Variants in NDST3 observed in about 807,000 individuals in gnomAD.
The protein encoded by NDST3 is N-deacetylase and N-sulfotransferase 3, also known as bifunctional heparan sulfate N-deacetylase/N-sulfotransferase 3.
NDST3 carries 58 observed loss-of-function variants against 96.1 expected under a neutral mutation model. The ratio of observed to expected loss-of-function variants is 0.60; its 90% CI spans 0.49 to 0.75. The LOEUF (loss-of-function observed/expected upper bound fraction) is 0.75. Ranked by LOEUF, NDST3 falls within the 30% of genes least tolerant of loss-of-function variation. The pLI, the probability that NDST3 is intolerant of heterozygous loss-of-function variation, is 0.00. For missense variants in NDST3, 788 were observed against 1,034.2 expected, an observed-to-expected ratio of 0.76 and a Z score of 3.27; for synonymous variants, 333 against 359.7, an observed-to-expected ratio of 0.93 and a Z score of 0.84.
At chr4:118,081,642 C>A (rs1728032048) in intron 2 of NDST3, among the ~76,000 whole-genome samples, 2 of 152,076 alleles carry the variant, frequency 1.3e-5, no homozygotes, top group African/African-American at 4.8e-5. Flanking sequence ...TTTCCTGCCC[C>A]CCAGAGGATG....
At chr4:118,116,330 C>T (rs1197795793) in intron 4 of NDST3, among the ~76,000 whole-genome samples, 1 of 152,008 alleles carries the variant, frequency 6.6e-6, no homozygotes, top group Non-Finnish European at 1.5e-5. Context: ...AGTAAAGCAC[C>T]AGTAAAAGAT....
chr4:118,097,745 CAA>C (rs1370620525), intron 2 of NDST3, among the ~76,000 whole-genome samples: 2 of 151,688 alleles, frequency 1.3e-5, no homozygotes, highest in South Asian at 2.1e-4. Context: ...AATTCTTCAC[CAA>C]GATTCAAAAC....
At chr4:118,077,999 T>C (rs1009132341) in intron 2 of NDST3, among the ~76,000 whole-genome samples, 3 of 152,152 alleles carry the variant, frequency 2.0e-5, no homozygotes, top group African/African-American at 7.2e-5. Context: ...GTTGCCCCTG[T>C]AAAACTTCTG....
intron 2 of NDST3, among the ~76,000 whole-genome samples, chr4:118,070,883 T>C (rs1727011276): frequency 6.6e-6 from 1 of 152,036 alleles, no homozygotes; most frequent in Non-Finnish European, 1.5e-5. Context: ...CACCTATGAC[T>C]GAGAACATAA....
At chr4:118,161,069 T>C (rs923738589) in intron 6 of NDST3, among the ~76,000 whole-genome samples, 1 of 152,210 alleles carries the variant, frequency 6.6e-6, no homozygotes, top group African/African-American at 2.4e-5. Flanking sequence ...CCTTTCTGTT[T>C]GTTAGTTTTC....
At chr4:118,112,879 T>A (rs1730758495) in intron 3 of NDST3, among the ~76,000 whole-genome samples, 1 of 152,170 alleles carries the variant, frequency 6.6e-6, no homozygotes. Context: ...TGGTGACTCA[T>A]TCATTAATCA....
At chr4:118,211,510 T>C (rs1316460443) in intron 6 of NDST3, among the ~76,000 whole-genome samples, 1 of 152,210 alleles carries the variant, frequency 6.6e-6, no homozygotes, top group African/African-American at 2.4e-5. Flanking sequence ...GATTAACAGA[T>C]GTAAATCCAT....
chr4:118,057,305 A>T (rs1338578434), intron 2 of NDST3, among the ~76,000 whole-genome samples: 3 of 152,044 alleles, frequency 2.0e-5, no homozygotes, highest in Non-Finnish European at 4.4e-5. Flanking sequence ...AGGTCATAAT[A>T]AAAATTTCAG....
chr4:118,085,621 G>A (rs1560632029), intron 2 of NDST3, among the ~76,000 whole-genome samples: 2 of 152,014 alleles, frequency 1.3e-5, no homozygotes, highest in Non-Finnish European at 2.9e-5. Flanking sequence ...GAACACTCTC[G>A]TTTCATTGTT....
At chr4:118,061,490 G>C (rs905037691) in intron 2 of NDST3, among the ~76,000 whole-genome samples, 2 of 152,228 alleles carry the variant, frequency 1.3e-5, no homozygotes, top group Middle Eastern at 3.4e-3. Flanking sequence ...CTGTAAAATA[G>C]ACAAATGTGA....
At chr4:118,227,137 C>A (rs1371293303) in intron 8 of NDST3, among the ~76,000 whole-genome samples, 155 bp downstream of exon 8, 1 of 151,934 alleles carries the variant, frequency 6.6e-6, no homozygotes, top group Non-Finnish European at 1.5e-5. Context: ...CAGTAATATA[C>A]CTAAATGCTT....
At position 118,054,070 on chromosome 4, in the gene NDST3, G is replaced by T. The variant is rs1469072531; in HGVS notation, c.160G>T (p.Asp54Tyr). Reference protein sequence around the residue: ...SETASEVDCGDLQHLPYQLME... With the variant: ...SETASEVDCGYLQHLPYQLME... ...GACGGCTTCAGAAGTTGACTGTGGCGACCTCCAACACCTACCATATCAACT... is the reference window on the plus strand; with the variant it reads ...GACGGCTTCAGAAGTTGACTGTGGCTACCTCCAACACCTACCATATCAACT... The change falls in exon 2 of 14, where the codon GAC becomes TAC. Residue 54 changes from aspartate (D) to tyrosine (Y), a missense_variant. By Grantham distance (160) the Asp-to-Tyr change is radical. This residue lies in a region of NDST3 where 234 missense variants were observed against 256.9 expected (regional missense o/e 0.91). Coordinates refer to ENST00000296499, the MANE Select transcript of NDST3 (RefSeq NM_004784.3). 6.2e-7 allele frequency: 1 copy of T among 1,612,856 alleles called. No individual in the cohort carries two copies. The highest frequency in any genetic ancestry group is 1.7e-5 in the Admixed American group (1 of 59,882).
At chr4:118,157,203 T>C (rs1027172045) in intron 6 of NDST3, among the ~76,000 whole-genome samples, 1 of 152,108 alleles carries the variant, frequency 6.6e-6, no homozygotes, top group East Asian at 1.9e-4. Context: ...GCAATCTGAA[T>C]ACATATTGAT....
At chr4:118,170,295 G>A (rs959504499) in intron 6 of NDST3, among the ~76,000 whole-genome samples, 1 of 152,190 alleles carries the variant, frequency 6.6e-6, no homozygotes, top group Non-Finnish European at 1.5e-5. Context: ...TTTCTTAGGT[G>A]TGATGATGAG....
chr4:118,097,957 T>C (rs7439663), intron 2 of NDST3, among the ~76,000 whole-genome samples: 114,289 of 151,762 alleles, frequency 0.75, 45,679 homozygotes, highest in South Asian at 0.92. Context: ...ATGGAGTTTA[T>C]AGTCCAGCTT....
chr4:118,114,475 T>C (rs1248485186), intron 3 of NDST3, among the ~76,000 whole-genome samples: 1 of 152,228 alleles, frequency 6.6e-6, no homozygotes, highest in Non-Finnish European at 1.5e-5. Context: ...ATTTCCTACT[T>C]ATCCCCCATT....
intron 5 of NDST3, among the ~76,000 whole-genome samples, chr4:118,139,493 T>C (rs1182681192): frequency 6.6e-6 from 1 of 152,118 alleles, no homozygotes; most frequent in Non-Finnish European, 1.5e-5. Context: ...GACAGTTGAT[T>C]ACACAATAAG....
chr4:118,239,447 C>T (rs372192544), intron 10 of NDST3, among the ~76,000 whole-genome samples: 35 of 152,246 alleles, frequency 2.3e-4, no homozygotes, highest in East Asian at 1.7e-3. Flanking sequence ...TAATCATTCA[C>T]GCCAAACCTG....
intron 6 of NDST3, among the ~76,000 whole-genome samples, chr4:118,211,201 A>C (rs1367321535): frequency 1.3e-5 from 2 of 152,164 alleles, no homozygotes; most frequent in African/African-American, 2.4e-5. Context: ...TCAAGACTTA[A>C]AGCTACATGG....
Sources: gnomAD v4.1 joint callset for allele counts (sites outside exome capture counted in the v4.1 genomes callset) on GRCh38, gnomAD v4.1.1 for gene constraint, gnomAD v4.1.1 regional missense constraint, MANE v1.5 for transcripts, NCBI Gene and HGNC (gene_info 2026-07-23, HGNC 2026-07-21) for gene names.